Variants in ADH7 observed in about 807,000 individuals in gnomAD.
ADH7 encodes the protein all-trans-retinol dehydrogenase [NAD(+)] ADH7.
Under a neutral mutation model 34.4 loss-of-function variants are expected in ADH7, and 41 were observed. That is an observed-to-expected ratio of 1.19 (90% CI 0.93 to 1.55). The LOEUF is 1.55. ADH7 is among the 40% of genes most tolerant of loss of function. ADH7 has a pLI of 0.00. For synonymous variants in ADH7, 180 were observed against 160.9 expected, an observed-to-expected ratio of 1.12 and a Z score of -0.90; for missense variants, 540 against 461.2, an observed-to-expected ratio of 1.17 and a Z score of -1.56.
intron 5 of ADH7, among the ~76,000 whole-genome samples, chr4:99,425,606 T>A (rs951650438): frequency 2.6e-5 from 4 of 151,946 alleles, no homozygotes; most frequent in Admixed American, 1.3e-4. Flanking sequence ...CACACAATAA[T>A]AATGGGAGAC....
intron 7 of ADH7, among the ~76,000 whole-genome samples, chr4:99,418,147 A>G (rs1056014722): frequency 1.3e-5 from 2 of 152,240 alleles, no homozygotes; most frequent in Non-Finnish European, 2.9e-5. Context: ...AACTTTTAAC[A>G]TAGAATAAAT....
intron 2 of ADH7, 139 bp from the exon 3 acceptor site, chr4:99,428,769 T>C: frequency 8.9e-7 from 1 of 1,117,892 alleles, no homozygotes; most frequent in South Asian, 1.6e-5. Flanking sequence ...TCTTAGACTA[T>C]TCTGAGCCAA....
intron 1 of ADH7, among the ~76,000 whole-genome samples, chr4:99,431,578 A>G (rs1399660142): frequency 6.6e-6 from 1 of 152,216 alleles, no homozygotes; most frequent in Non-Finnish European, 1.5e-5. Flanking sequence ...GCATCTAACA[A>G]AGGTCTAATA....
At chr4:99,415,759 TG>T in intron 7 of ADH7, 143 bp from the exon 8 acceptor site, 1 of 842,698 alleles carries the variant, frequency 1.2e-6, no homozygotes, top group Admixed American at 2.8e-5. Flanking sequence ...AAGCTGTATT[TG>T]TCCCAGCATA....
In ADH7 at chr4:99,428,121, G is replaced by C. The variant is rs757367262; in HGVS notation, c.313C>G (p.Arg105Gly). Residue 105 changes from arginine (R) to glycine (G), a missense_variant, in exon 4 of 9, where the codon CGC becomes GGC. Transcript: ENST00000437033. The stretch of plus-strand genomic sequence containing the variant: ...ATGCAAAGGTTGCCATCTGGGTTGC[G>C]ACAAGCATTGCATTCTCTACATTGT... ...LPQCRECNAC[R>G]NPDGNLCIRS... The C allele has an allele frequency of 1.9e-6, 3 of 1,613,878 alleles. No individual in the cohort carries two copies. The African/African-American group carries it at 4.0e-5, about 22-fold the overall frequency.
intron 7 of ADH7, among the ~76,000 whole-genome samples, chr4:99,418,076 T>A (rs1314094140): frequency 6.6e-6 from 1 of 152,314 alleles, no homozygotes; most frequent in East Asian, 1.9e-4. Flanking sequence ...TTATTATTCA[T>A]TAAGTAGCTT....
At chr4:99,425,127 G>A (rs571545594) in intron 5 of ADH7, among the ~76,000 whole-genome samples, 135 of 151,956 alleles carry the variant, frequency 8.9e-4, no homozygotes, top group South Asian at 1.7e-3. Context: ...AAAGACCATC[G>A]AGACTAGGAA....
At chr4:99,426,487 A>G (rs1240102435) in intron 5 of ADH7, among the ~76,000 whole-genome samples, 1 of 152,212 alleles carries the variant, frequency 6.6e-6, no homozygotes, top group Non-Finnish European at 1.5e-5. Context: ...CTTGACACAT[A>G]CACCCTCCCA....
At chr4:99,428,267 CT>C in intron 3 of ADH7, 93 bp from the exon 4 acceptor site, 1 of 1,346,892 alleles carries the variant, frequency 7.4e-7, no homozygotes, top group Admixed American at 1.9e-5. Context: ...ATAGGTAAAA[CT>C]TTTAAAAATA....
chr4:99,426,085 T>C (rs1336605055), intron 5 of ADH7, among the ~76,000 whole-genome samples: 1 of 152,132 alleles, frequency 6.6e-6, no homozygotes, highest in Non-Finnish European at 1.5e-5. Flanking sequence ...TTTACAGCAC[T>C]AAATGCCCAC....
intron 8 of ADH7, among the ~76,000 whole-genome samples, chr4:99,413,869 A>T (rs1334855369): frequency 6.6e-6 from 1 of 152,208 alleles, no homozygotes; most frequent in African/African-American, 2.4e-5. Flanking sequence ...TGTGGTAGGC[A>T]AGAGTGAAAA....
chr4:99,434,991 G>T, intron 1 of ADH7: 1 of 1,444,920 alleles, frequency 6.9e-7, no homozygotes, highest in Non-Finnish European at 9.4e-7. Flanking sequence ...TTCCACCAAT[G>T]TCTTGCTGAC....
Position 99,428,585 on chromosome 4 carries a change from C to A in ADH7, c.166G>T (p.Gly56Ter), listed in dbSNP as rs753813012. The A allele has an allele frequency of 6.2e-7, 1 of 1,613,864 alleles. No individual in the cohort carries two copies. Among genetic ancestry groups the A allele is most frequent in the South Asian group, 1.1e-5 (1 of 91,060 alleles). ...ICRTDDHVIK[G>*]TMVSKFPVIV... ...ACTGGAAACTTGGACACCATTGTTCCTTTTATCACATGGTCATCTGTGCGA... is the reference window on the plus strand; with the variant it reads ...ACTGGAAACTTGGACACCATTGTTCATTTTATCACATGGTCATCTGTGCGA... The change falls in exon 3 of 9, where the codon GGA becomes TGA. Residue 56 changes from glycine (G) to a stop codon, truncating the protein, a stop_gained. Transcript: ENST00000437033. LOFTEE classifies it high-confidence loss of function.
In ADH7 at chr4:99,412,996, G is replaced by A. The variant is rs762746433; in HGVS notation, c.*152C>T. The A allele has an allele frequency of 1.5e-6, 1 of 673,932 alleles. No individual in the cohort carries two copies. The highest frequency in any genetic ancestry group is 2.5e-6 in the Non-Finnish European group (1 of 403,062). The allele number at this position is 673,932 out of a possible 1,614,324, so 41.7% of individuals were successfully genotyped here. ...CACAAGACTTTAAATGTTTATAAAG[G>A]TTAATAATTCTTTATAAGGGTTCTA... On this transcript the variant is annotated 3_prime_UTR_variant, in exon 9 of 9. Coordinates refer to ENST00000437033, the MANE Select transcript of ADH7 (RefSeq NM_000673.7).
At chr4:99,413,557 G>A (rs1338517891) in intron 8 of ADH7, among the ~76,000 whole-genome samples, 2 of 152,204 alleles carry the variant, frequency 1.3e-5, no homozygotes, top group Non-Finnish European at 2.9e-5. Flanking sequence ...GCCTGCTGCA[G>A]AGGGTGATAG....
intron 7 of ADH7, 29 bp from the exon 8 acceptor site, chr4:99,415,645 G>C: frequency 6.2e-7 from 1 of 1,602,152 alleles, no homozygotes; most frequent in Non-Finnish European, 8.5e-7. Flanking sequence ...TTTCTCTTTA[G>C]ACATTACTAA....
intron 2 of ADH7, among the ~76,000 whole-genome samples, chr4:99,428,855 G>T (rs891634651): frequency 6.6e-6 from 1 of 152,112 alleles, no homozygotes; most frequent in African/African-American, 2.4e-5. Flanking sequence ...TTGAATCTTG[G>T]TGCCTGTCTG....
At chr4:99,432,006 C>T (rs920369676) in intron 1 of ADH7, among the ~76,000 whole-genome samples, 2 of 152,116 alleles carry the variant, frequency 1.3e-5, no homozygotes, top group African/African-American at 4.8e-5. Context: ...ACCATAAAGA[C>T]ATATGCATGC....
chr4:99,417,344 C>A (rs930897063), intron 7 of ADH7, among the ~76,000 whole-genome samples: 2 of 152,112 alleles, frequency 1.3e-5, no homozygotes, highest in South Asian at 2.1e-4. Context: ...CCATACTGAC[C>A]TTTTCCCCGT....
Sources: gnomAD v4.1 joint callset for allele counts (sites outside exome capture counted in the v4.1 genomes callset) on GRCh38, gnomAD v4.1.1 for gene constraint, MANE v1.5 for transcripts, NCBI Gene and HGNC (gene_info 2026-07-23, HGNC 2026-07-21) for gene names.